Variants in FAM91A1 observed in about 807,000 individuals in gnomAD.
The protein encoded by FAM91A1 is protein FAM91A1.
Under a neutral mutation model 113.5 loss-of-function variants are expected in FAM91A1, and 41 were observed. The observed-to-expected ratio is 0.36, with a 90% CI of 0.28 to 0.47. The LOEUF (loss-of-function observed/expected upper bound fraction) is 0.47. FAM91A1 is among the 20% of genes least tolerant of loss of function. The probability of loss-of-function intolerance (pLI) is 1.00; values close to 1 mark genes in which losing one functional copy is unlikely to be tolerated. For synonymous variants in FAM91A1, 307 were observed against 347.9 expected (o/e 0.88, Z 1.31); for missense variants, 696 against 1,001.2 (o/e 0.70, Z 4.11).
chr8:123,810,588 A>G (rs1183983337), intron 23 of FAM91A1: 2 of 580,038 alleles, frequency 3.4e-6, no homozygotes, highest in South Asian at 2.1e-5. Context: ...TTCAACAGAA[A>G]TGTGTTAAGT....
chr8:123,805,099 A>G (rs1411686661), intron 18 of FAM91A1, among the ~76,000 whole-genome samples, 168 bp from the exon 19 acceptor site: 5 of 152,246 alleles, frequency 3.3e-5, no homozygotes, highest in African/African-American at 1.2e-4. Context: ...TATTATACAC[A>G]TAAGATTGTC....
intron 18 of FAM91A1, among the ~76,000 whole-genome samples, chr8:123,801,267 T>C (rs760857508): frequency 6.6e-6 from 1 of 152,234 alleles, no homozygotes; most frequent in Non-Finnish European, 1.5e-5. Flanking sequence ...TGCATGTGCT[T>C]ATTGGGCTGT....
intron 15 of FAM91A1, among the ~76,000 whole-genome samples, chr8:123,790,285 T>C (rs557128029): frequency 6.6e-6 from 1 of 152,376 alleles, no homozygotes; most frequent in African/African-American, 2.4e-5. Flanking sequence ...CTGGGCACTC[T>C]CAGTTTTGTG....
intron 16 of FAM91A1, among the ~76,000 whole-genome samples, chr8:123,798,988 T>C (rs889602787): frequency 1.3e-5 from 2 of 152,218 alleles, no homozygotes; most frequent in Admixed American, 1.3e-4. Context: ...GAACCTCTCC[T>C]ATTCTTTAAC....
At chr8:123,775,503 G>C (rs1814961578) in intron 3 of FAM91A1, among the ~76,000 whole-genome samples, 1 of 152,194 alleles carries the variant, frequency 6.6e-6, no homozygotes, top group African/African-American at 2.4e-5. Context: ...TTTACATTGG[G>C]AAGCTGTCTA....
At chr8:123,800,994 C>G (rs1815664085) in intron 18 of FAM91A1, among the ~76,000 whole-genome samples, 1 of 152,086 alleles carries the variant, frequency 6.6e-6, no homozygotes, top group African/African-American at 2.4e-5. Context: ...CATTTGTGTA[C>G]AAGTTTTTCT....
intron 11 of FAM91A1, chr8:123,786,182 TTG>T (rs1323693294): frequency 3.4e-6 from 1 of 292,144 alleles, no homozygotes; most frequent in East Asian, 7.2e-5. Flanking sequence ...ATTTTTAATC[TTG>T]TGTGTGTGTT....
chr8:123,810,500 G>T, intron 23 of FAM91A1, 149 bp downstream of exon 23: 1 of 830,778 alleles, frequency 1.2e-6, no homozygotes, highest in Non-Finnish European at 2.0e-6. Flanking sequence ...GATTCAAGAA[G>T]TTAATGGACT....
chr8:123,770,804 A>G (rs1022599831), intron 1 of FAM91A1, among the ~76,000 whole-genome samples: 2 of 152,226 alleles, frequency 1.3e-5, no homozygotes, highest in Non-Finnish European at 2.9e-5. Context: ...TTTTGTTTTT[A>G]AAATCACTTG....
At chr8:123,785,953 G>A in intron 11 of FAM91A1, 1 of 471,030 alleles carries the variant, frequency 2.1e-6, no homozygotes, top group Non-Finnish European at 4.0e-6. Context: ...GAGTAGTGGG[G>A]ACTATAGGTG....
rs370014607 is a variant in FAM91A1 at position 123,789,601 on chromosome 8, C to G, written c.1279-12C>G. 3.7e-6 allele frequency: 6 copies of G among 1,610,956 alleles called. No homozygotes were observed. The highest frequency in any genetic ancestry group is 2.2e-5 in the South Asian group (2 of 90,782). On this transcript the variant is annotated splice_polypyrimidine_tract_variant and intron_variant, in intron 14 of 23. Transcript: ENST00000334705. ...GTATTTTTGTTGCAAAATCTATTTT[C>G]TCTTGGTTTAGGTTCAGAGCACTGG...
chr8:123,810,405 C>A, intron 23 of FAM91A1, 54 bp downstream of exon 23: 1 of 1,461,138 alleles, frequency 6.8e-7, no homozygotes, highest in Non-Finnish European at 9.6e-7. Context: ...TAAGTATGCA[C>A]AACACTTCTG....
chr8:123,798,197 C>T lies in FAM91A1; in HGVS notation c.1519C>T (p.Leu507Phe), dbSNP rs1342484802. ...CACGCTGCTTGTTTCCATGGCTCCC[C>T]TCACCAATGAAATCCGGCCTGTCAG... ...NYTLLVSMAP[L>F]TNEIRPVSSC... Residue 507 changes from leucine (L) to phenylalanine (F), a missense_variant, in exon 16 of 24, where the codon CTC (leucine) becomes TTC (phenylalanine). Transcript: ENST00000334705. The T allele has an allele frequency of 1.2e-6, 2 of 1,613,960 alleles. No homozygotes were observed. Among genetic ancestry groups the T allele is most frequent in the Non-Finnish European group, 1.7e-6 (2 of 1,179,982 alleles).
At chr8:123,773,240 G>A (rs1487298127) in intron 1 of FAM91A1, among the ~76,000 whole-genome samples, 1 of 152,134 alleles carries the variant, frequency 6.6e-6, no homozygotes, top group African/African-American at 2.4e-5. Flanking sequence ...CCTGTCTTTG[G>A]TTTTGGCTTA....
chr8:123,786,283 T>C (rs1563640639), intron 11 of FAM91A1: 2 of 515,408 alleles, frequency 3.9e-6, no homozygotes, highest in Non-Finnish European at 6.9e-6. Flanking sequence ...CTTGAAGGGT[T>C]CTTGAATTTT....
At chr8:123,802,697 A>G (rs1212888842) in intron 18 of FAM91A1, among the ~76,000 whole-genome samples, 2 of 152,224 alleles carry the variant, frequency 1.3e-5, no homozygotes, top group Non-Finnish European at 2.9e-5. Flanking sequence ...GAAGATATAT[A>G]GTATGGGGTG....
chr8:123,796,952 T>C (rs1700499853), intron 15 of FAM91A1, among the ~76,000 whole-genome samples: 1 of 151,484 alleles, frequency 6.6e-6, no homozygotes, highest in South Asian at 2.1e-4. Flanking sequence ...TCCCAGCAGC[T>C]TGGGAGGCTG....
chr8:123,774,602 A>T (rs1563635328), intron 2 of FAM91A1, among the ~76,000 whole-genome samples: 1 of 152,002 alleles, frequency 6.6e-6, no homozygotes. Context: ...CTAAAAAAAA[A>T]TTTGTTTATT....
At chr8:123,804,330 A>G (rs1815752696) in intron 18 of FAM91A1, among the ~76,000 whole-genome samples, 1 of 151,822 alleles carries the variant, frequency 6.6e-6, no homozygotes, top group Non-Finnish European at 1.5e-5. Flanking sequence ...TACTAAAAAT[A>G]CAAAAAAATA....
Sources: allele counts gnomAD v4.1 joint callset (sites outside exome capture counted in the v4.1 genomes callset), GRCh38; gene constraint gnomAD v4.1.1; transcripts MANE v1.5; gene names NCBI Gene and HGNC (gene_info 2026-07-23, HGNC 2026-07-21).